The following NUP210L variants were observed in gnomAD, a reference collection of about 807,000 sequenced individuals.
The protein encoded by NUP210L is nuclear pore membrane glycoprotein 210-like.
In NUP210L, 74 loss-of-function variants were observed where a neutral mutation model predicts 208.5. That is an observed-to-expected ratio of 0.35 (90% confidence interval 0.29 to 0.43). The LOEUF (loss-of-function observed/expected upper bound fraction) is 0.43. Ranked by LOEUF, NUP210L falls within the 20% of genes least tolerant of loss-of-function variation. The pLI is 1.00. For synonymous variants in NUP210L, 780 were observed against 816.9 expected (o/e 0.95, Z 0.77); for missense variants, 1,843 against 2,289.4 (o/e 0.81, Z 3.98).
chr1:153,997,694 T>G (rs1326578148), intron 37 of NUP210L, among the ~76,000 whole-genome samples: 4 of 52,238 alleles, frequency 7.7e-5, no homozygotes, highest in Admixed American at 2.7e-4. Context: ...ACTGTATTTG[T>G]TTTTTTTTTT....
chr1:153,992,776 T>G, exon 40 of NUP210L: 1 of 1,139,958 alleles, frequency 8.8e-7, no homozygotes, highest in Non-Finnish European at 1.3e-6. Context: ...TTAGGCTTCT[T>G]GTCGAGGACT....
chr1:154,115,832 G>T (rs1363118751), intron 12 of NUP210L, among the ~76,000 whole-genome samples: 6 of 151,968 alleles, frequency 3.9e-5, no homozygotes, highest in Non-Finnish European at 8.8e-5. Flanking sequence ...TAAAAATGGG[G>T]CTGGGGCTGG....
At chr1:154,102,358 C>T (rs1656513798) in intron 13 of NUP210L, among the ~76,000 whole-genome samples, 1 of 151,952 alleles carries the variant, frequency 6.6e-6, no homozygotes, top group African/African-American at 2.4e-5. Flanking sequence ...AAAAGTAATA[C>T]CAAAGTTGAG....
intron 33 of NUP210L, 31 bp downstream of exon 33, chr1:154,018,902 G>A: frequency 1.2e-6 from 2 of 1,610,430 alleles, no homozygotes; most frequent in Non-Finnish European, 1.7e-6. Context: ...AGTCACCCTA[G>A]TCTCTTAAAC....
chr1:154,015,906 C>CGATAAATA (rs1349677608), intron 33 of NUP210L, among the ~76,000 whole-genome samples: 10 of 133,924 alleles, frequency 7.5e-5, no homozygotes, highest in African/African-American at 2.8e-4. Flanking sequence ...GACCCTGTCT[C>CGATAAATA]AATAAATAAA....
chr1:154,057,984 G>C (rs916567646), intron 22 of NUP210L, 105 bp downstream of exon 22: 10 of 1,213,204 alleles, frequency 8.2e-6, no homozygotes. Context: ...AAAAGGAATG[G>C]AGAAAATCTG....
intron 10 of NUP210L, 54 bp from the exon 11 acceptor site, chr1:154,118,862 ATACAC>A: frequency 4.6e-6 from 5 of 1,083,270 alleles, no homozygotes; most frequent in Non-Finnish European, 6.7e-6. Context: ...TATTCTTATA[ATACAC>A]ATTCATATAC....
intron 6 of NUP210L, 73 bp from the exon 7 acceptor site, chr1:154,136,045 T>C (rs1658528535): frequency 3.9e-6 from 4 of 1,022,070 alleles, no homozygotes; most frequent in Non-Finnish European, 6.1e-6. Flanking sequence ...TTCTTGATCA[T>C]AAAGGAATGA....
At chr1:154,073,858 A>AAATTAATT (rs1051670751) in intron 16 of NUP210L, among the ~76,000 whole-genome samples, 2 of 140,460 alleles carry the variant, frequency 1.4e-5, no homozygotes, top group Non-Finnish European at 3.1e-5. Context: ...ATAAATAAAT[A>AAATTAATT]AATTCAATGG....
chr1:153,995,708 T>C lies in NUP210L; in HGVS notation c.5387-528A>G, dbSNP rs527352686. On this transcript the variant is annotated intron_variant, in intron 37 of 39. Coordinates refer to ENST00000368559, the Ensembl canonical transcript of NUP210L. Reference sequence around the variant, plus strand: ...AACAAAACTAGGCTGTCCCAAACCCTTGGTAATAGAATTGTTTACCTTTAT... The same window carrying C: ...AACAAAACTAGGCTGTCCCAAACCCCTGGTAATAGAATTGTTTACCTTTAT... 6.4e-5 allele frequency: 63 copies of C among 982,322 alleles called. No individual in the cohort carries two copies. In the East Asian group the frequency reaches 1.2e-3, roughly 19 times the overall value. The allele number at this position is 982,322 out of a possible 1,614,324, so 60.9% of individuals were successfully genotyped here.
chr1:154,095,765 A>G (rs185900358), intron 14 of NUP210L, among the ~76,000 whole-genome samples: 78 of 152,328 alleles, frequency 5.1e-4, no homozygotes, highest in Admixed American at 1.5e-3. Context: ...TAATACATCT[A>G]TACACTTCAC....
chr1:154,137,080 A>T (rs1265842282), intron 6 of NUP210L, among the ~76,000 whole-genome samples: 1 of 152,090 alleles, frequency 6.6e-6, no homozygotes, highest in Non-Finnish European at 1.5e-5. Context: ...TGCCCTTCAA[A>T]AGCTAGTAAA....
exon 22 of NUP210L, chr1:154,058,147 T>C: frequency 1.2e-6 from 2 of 1,614,160 alleles, no homozygotes; most frequent in Non-Finnish European, 1.7e-6. Flanking sequence ...CTGAAGTATT[T>C]ATTTTGGAAT....
chr1:154,020,820 C>T (rs945386711), intron 32 of NUP210L, among the ~76,000 whole-genome samples: 6 of 150,464 alleles, frequency 4.0e-5, no homozygotes, highest in South Asian at 2.1e-4. Flanking sequence ...TCACTACACC[C>T]GGCCTTAATT....
intron 10 of NUP210L, among the ~76,000 whole-genome samples, chr1:154,122,815 T>C (rs1657682349): frequency 6.6e-6 from 1 of 151,996 alleles, no homozygotes; most frequent in South Asian, 2.1e-4. Context: ...TCCCAGCACC[T>C]TGGGAGGCTG....
intron 27 of NUP210L, among the ~76,000 whole-genome samples, chr1:154,031,721 CTT>C (rs780787597): frequency 3.4e-4 from 48 of 139,886 alleles, no homozygotes; most frequent in Middle Eastern, 3.6e-3. Context: ...GATCACATTC[CTT>C]TTTTTTTTTT....
In NUP210L at chr1:154,000,972, A is replaced by C. The variant is rs978297279; in HGVS notation, c.5270T>G (p.Val1757Gly). 9 of 1,614,036 alleles carry C rather than the reference A, an allele frequency of 5.6e-6. No homozygotes were observed. The African/African-American group carries it at 1.1e-4, about 19-fold the overall frequency. ...CATTTGCTGGAAGGAAGTGAAGTTG[A>C]CCACTCTTACAGAGTAAATGGCCAG... is the stretch of plus-strand genomic sequence containing the variant. The change falls in exon 37 of 40, where the codon GTC becomes GGC. Residue 1757 changes from valine (V) to glycine (G), a missense_variant. Around this residue, in one of 5 missense-constraint regions of NUP210L, gnomAD observed 781 missense variants for 973.8 expected, o/e 0.80. Transcript: ENST00000368559.
intron 13 of NUP210L, among the ~76,000 whole-genome samples, chr1:154,100,372 G>A (rs1312578757): frequency 6.6e-6 from 1 of 150,542 alleles, no homozygotes; most frequent in Non-Finnish European, 1.5e-5. Flanking sequence ...GATCACTTGA[G>A]CCCAGGAGGT....
At chr1:154,101,172 C>CAAAAA (rs35540425) in intron 13 of NUP210L, among the ~76,000 whole-genome samples, 3 of 104,726 alleles carry the variant, frequency 2.9e-5, no homozygotes, top group Non-Finnish European at 5.5e-5. Flanking sequence ...AACTCTGTCT[C>CAAAAA]AAAAAAAAAA....
Sources: gnomAD v4.1 joint callset for allele counts (sites outside exome capture counted in the v4.1 genomes callset) on GRCh38, gnomAD v4.1.1 for gene constraint, gnomAD v4.1.1 regional missense constraint, MANE v1.5 for transcripts, NCBI Gene and HGNC (gene_info 2026-07-23, HGNC 2026-07-21) for gene names.